The following ARHGEF38 variants were observed in gnomAD, a reference collection of about 807,000 sequenced individuals.
ARHGEF38 encodes Rho guanine nucleotide exchange factor 38.
Under a neutral mutation model 79.9 loss-of-function variants are expected in ARHGEF38, and 79 were observed. The observed-to-expected ratio is 0.99, with a 90% CI of 0.82 to 1.19. ARHGEF38 has a LOEUF of 1.19. Among genes scored for constraint, ARHGEF38 ranks in the 50% most tolerant of loss-of-function variants. The probability of loss-of-function intolerance (pLI) is 0.00; values close to 1 mark genes in which losing one functional copy is unlikely to be tolerated. For synonymous variants in ARHGEF38, 366 were observed against 328.3 expected (o/e 1.11, Z -1.24); for missense variants, 962 against 907.2 (o/e 1.06, Z -0.78).
Position 105,679,832 on chromosome 4 carries a change from T to A in ARHGEF38, c.*1895T>A. 7.5e-7 allele frequency: 1 copy of A among 1,333,284 alleles called. No individual in the cohort carries two copies. The highest frequency in any genetic ancestry group is 1.1e-6 in the Non-Finnish European group (1 of 929,814). 82.6% of individuals were successfully genotyped at this position (1,333,284 alleles called of 1,614,324 possible). A position where few individuals can be genotyped will look rare whatever the true frequency, so the allele number is the denominator to read the frequency against. On this transcript the variant is annotated 3_prime_UTR_variant, in exon 14 of 14. Coordinates refer to ENST00000420470, the MANE Select transcript of ARHGEF38 (RefSeq NM_001242729.2). Reference sequence around the variant, plus strand: ...AGAGAGATGGATATAGGACTCAATATCCTGAGGAGGAGAACTTTGAATCAC... The same window carrying A: ...AGAGAGATGGATATAGGACTCAATAACCTGAGGAGGAGAACTTTGAATCAC...
chr4:105,565,789 T>G (rs1319527403), intron 1 of ARHGEF38, among the ~76,000 whole-genome samples: 1 of 152,192 alleles, frequency 6.6e-6, no homozygotes, highest in Non-Finnish European at 1.5e-5. Context: ...TGTTCCCTAT[T>G]TCTTTAAATG....
At chr4:105,573,059 GC>G (rs56763941) in intron 1 of ARHGEF38, among the ~76,000 whole-genome samples, 147,849 of 152,294 alleles carry the variant, frequency 0.97, 71,769 homozygotes, top group East Asian at 1. Flanking sequence ...CTATTCAAGT[GC>G]CTTTGCTCAT....
At chr4:105,615,707 A>G (rs1394071206) in intron 3 of ARHGEF38, among the ~76,000 whole-genome samples, 1 of 152,144 alleles carries the variant, frequency 6.6e-6, no homozygotes, top group East Asian at 1.9e-4. Flanking sequence ...TTCTGACACA[A>G]TCTCTTTTAG....
chr4:105,655,689 C>A lies in ARHGEF38; in HGVS notation c.1200C>A (p.Thr400=), dbSNP rs1449107020. The change falls in exon 9 of 14, where the codon ACC becomes ACA. Residue 400 remains threonine (T), a synonymous_variant. Transcript: ENST00000420470. ...NKDDEMDYSE[T]LSNALNSCHD... is the part of the protein sequence containing the mutation. ...ACGATGAGATGGACTATTCTGAGAC[C>A]CTAAGTAATGCCTTAAATTCGTGTC... 6.5e-7 allele frequency: 1 copy of A among 1,535,130 alleles called. No homozygotes were observed. Among genetic ancestry groups the A allele is most frequent in the East Asian group, 2.4e-5 (1 of 40,880 alleles).
chr4:105,635,736 C>A (rs1255328021), intron 4 of ARHGEF38, among the ~76,000 whole-genome samples: 1 of 151,998 alleles, frequency 6.6e-6, no homozygotes, highest in African/African-American at 2.4e-5. Flanking sequence ...GTATTTCTTT[C>A]ATTGCAATAG....
intron 1 of ARHGEF38, among the ~76,000 whole-genome samples, chr4:105,562,372 G>C (rs1233035682): frequency 1.3e-5 from 2 of 152,140 alleles, no homozygotes; most frequent in African/African-American, 4.8e-5. Context: ...ACTATTTATT[G>C]AATGACTTTA....
intron 1 of ARHGEF38, among the ~76,000 whole-genome samples, chr4:105,562,067 A>T (rs1221654411): frequency 6.6e-6 from 1 of 152,174 alleles, no homozygotes; most frequent in African/African-American, 2.4e-5. Flanking sequence ...CAGGGAGGGC[A>T]CTTTTCTCAT....
At chr4:105,656,962 C>T (rs750975544) in intron 9 of ARHGEF38, among the ~76,000 whole-genome samples, 13 of 151,316 alleles carry the variant, frequency 8.6e-5, no homozygotes, top group East Asian at 1.9e-4. Context: ...AACAGGTCAA[C>T]GACAGATGAA....
intron 3 of ARHGEF38, among the ~76,000 whole-genome samples, chr4:105,626,294 G>A (rs575147464): frequency 1.3e-5 from 2 of 152,172 alleles, no homozygotes; most frequent in African/African-American, 4.8e-5. Context: ...TCTCACACAT[G>A]TTCAATGTCC....
At chr4:105,607,115 A>C (rs1728079627) in intron 2 of ARHGEF38, among the ~76,000 whole-genome samples, 1 of 152,106 alleles carries the variant, frequency 6.6e-6, no homozygotes, top group South Asian at 2.1e-4. Flanking sequence ...CGATTCATCC[A>C]GTGCTCATTA....
chr4:105,627,239 T>C (rs1728985156), intron 3 of ARHGEF38, among the ~76,000 whole-genome samples: 1 of 152,144 alleles, frequency 6.6e-6, no homozygotes, highest in Admixed American at 6.5e-5. Context: ...TTTATGGCAT[T>C]TTCCTAAACA....
intron 13 of ARHGEF38, among the ~76,000 whole-genome samples, chr4:105,669,185 G>A (rs555009502): frequency 9.2e-5 from 14 of 152,200 alleles, no homozygotes; most frequent in African/African-American, 3.4e-4. Flanking sequence ...GGGAAACATA[G>A]CATGTATGGT....
intron 2 of ARHGEF38, among the ~76,000 whole-genome samples, chr4:105,601,232 A>T (rs967683700): frequency 6.6e-6 from 1 of 152,150 alleles, no homozygotes; most frequent in African/African-American, 2.4e-5. Flanking sequence ...TTTCTTGAAC[A>T]AACCAGGAGC....
At chr4:105,572,871 A>G (rs898312223) in intron 1 of ARHGEF38, among the ~76,000 whole-genome samples, 1 of 152,182 alleles carries the variant, frequency 6.6e-6, no homozygotes, top group African/African-American at 2.4e-5. Flanking sequence ...TTCCAATTCC[A>G]ATTTCTCCAC....
intron 1 of ARHGEF38, among the ~76,000 whole-genome samples, chr4:105,558,810 G>C (rs922028805): frequency 7.3e-6 from 1 of 136,298 alleles, no homozygotes; most frequent in Non-Finnish European, 1.6e-5. Flanking sequence ...ACAATTTCTA[G>C]TTGTGCTTTT....
chr4:105,663,259 A>AG (rs1352465694), intron 10 of ARHGEF38, among the ~76,000 whole-genome samples: 5 of 152,168 alleles, frequency 3.3e-5, no homozygotes, highest in Non-Finnish European at 5.9e-5. Context: ...CTTCTGTTTA[A>AG]ATTTTCTCAT....
chr4:105,605,261 A>AT (rs1210136002), intron 2 of ARHGEF38, among the ~76,000 whole-genome samples: 2 of 152,012 alleles, frequency 1.3e-5, no homozygotes, highest in African/African-American at 4.8e-5. Context: ...GTCAAAACAA[A>AT]TTTTCTGTTG....
chr4:105,582,199 T>A (rs1049109149), intron 1 of ARHGEF38, among the ~76,000 whole-genome samples: 1 of 150,150 alleles, frequency 6.7e-6, no homozygotes, highest in African/African-American at 2.4e-5. Flanking sequence ...TTCCTTGCAA[T>A]GTAGCTGCAA....
chr4:105,612,987 C>A (rs969927966), intron 2 of ARHGEF38, among the ~76,000 whole-genome samples: 1 of 151,980 alleles, frequency 6.6e-6, no homozygotes, highest in Non-Finnish European at 1.5e-5. Context: ...GTTTAAAAAA[C>A]AGCTTTGAAA....
Sources: gnomAD v4.1 joint callset for allele counts (sites outside exome capture counted in the v4.1 genomes callset) on GRCh38, gnomAD v4.1.1 for gene constraint, MANE v1.5 for transcripts, NCBI Gene and HGNC (gene_info 2026-07-23, HGNC 2026-07-21) for gene names.